Variants in NUGGC observed in about 807,000 individuals in gnomAD.
NUGGC encodes the protein nuclear GTPase SLIP-GC.
NUGGC carries 58 observed loss-of-function variants against 92.6 expected under a neutral mutation model. That is an observed-to-expected ratio of 0.63 (90% CI 0.51 to 0.78). NUGGC has a LOEUF of 0.78. NUGGC is among the 30% of genes least tolerant of loss of function. The pLI, the probability that NUGGC is intolerant of heterozygous loss-of-function variation, is 0.00. For synonymous variants in NUGGC, 376 were observed against 366.4 expected (o/e 1.03, Z -0.30); for missense variants, 925 against 964.6 (o/e 0.96, Z 0.54).
intron 6 of NUGGC, among the ~76,000 whole-genome samples, chr8:28,066,806 T>A (rs1750031706): frequency 6.6e-6 from 1 of 152,200 alleles, no homozygotes; most frequent in Non-Finnish European, 1.5e-5. Flanking sequence ...GCCAGCAGAA[T>A]CCTGATTTTC....
chr8:28,058,722 A>T (rs1186906890), intron 8 of NUGGC, among the ~76,000 whole-genome samples: 32 of 145,294 alleles, frequency 2.2e-4, no homozygotes, highest in African/African-American at 7.5e-4. Context: ...TTTTTTTTTG[A>T]GACGGAGTCT....
intron 10 of NUGGC, among the ~76,000 whole-genome samples, chr8:28,054,481 CAAAAT>C (rs986069160): frequency 7.3e-5 from 11 of 150,488 alleles, no homozygotes; most frequent in African/African-American, 2.0e-4. Flanking sequence ...AACTCTGTCT[CAAAAT>C]AAAAAAGTTA....
rs113997450 is a variant in NUGGC at position 28,054,095 on chromosome 8, T to A, written c.1206+1870A>T. ...CCGAAGATTTTGTTTCAGCCAAACA[T>A]ATCATCTGTCACATGGTACTTACTC... On this transcript the variant is annotated intron_variant, in intron 10 of 18. Coordinates refer to ENST00000413272, the MANE Select transcript of NUGGC (RefSeq NM_001010906.2). Among the ~76,000 whole-genome samples, 566 of 152,354 alleles carry A rather than the reference T, an allele frequency of 3.7e-3. 4 individuals are homozygous for A. The highest frequency in any genetic ancestry group is 0.013 in the African/African-American group (547 of 41,580).
intron 9 of NUGGC, among the ~76,000 whole-genome samples, chr8:28,057,143 A>T (rs1428213712): frequency 6.6e-6 from 1 of 152,176 alleles, no homozygotes; most frequent in Non-Finnish European, 1.5e-5. Flanking sequence ...AGTAGCAGAG[A>T]AAAGTCATGA....
intron 9 of NUGGC, among the ~76,000 whole-genome samples, chr8:28,057,093 C>T (rs908948867): frequency 2.0e-5 from 3 of 152,138 alleles, no homozygotes; most frequent in Non-Finnish European, 4.4e-5. Context: ...ATAACACCAT[C>T]GGACCCATGT....
intron 2 of NUGGC, among the ~76,000 whole-genome samples, chr8:28,073,171 T>G (rs540031556): frequency 1.3e-5 from 1 of 75,150 alleles, no homozygotes; most frequent in Non-Finnish European, 2.5e-5. Context: ...CTGGCTAATT[T>G]TTTTTTCTTT....
rs772936828 is a variant in NUGGC at position 28,026,956 on chromosome 8, A to C, written c.2245+6T>G. 1.2e-6 allele frequency: 2 copies of C among 1,603,422 alleles called. No homozygotes were observed. Among genetic ancestry groups the C allele is most frequent in the South Asian group, 2.2e-5 (2 of 90,894 alleles). On this transcript the variant is annotated splice_donor_region_variant and intron_variant, in intron 18 of 18. Transcript: ENST00000413272. ...CACCCTGTATACAAAGCTTTGGCGTATTTACCTGCAAGCTCCTTGTAGAGG... is the reference window on the plus strand; with the variant it reads ...CACCCTGTATACAAAGCTTTGGCGTCTTTACCTGCAAGCTCCTTGTAGAGG...
intron 1 of NUGGC, among the ~76,000 whole-genome samples, chr8:28,076,865 G>A (rs1270840661): frequency 3.9e-5 from 6 of 152,302 alleles, no homozygotes; most frequent in Admixed American, 3.9e-4. Flanking sequence ...GGTAGAAATA[G>A]ATCCACTAGG....
Position 28,074,444 on chromosome 8 carries a change from C to G in NUGGC, c.-34G>C. 6.2e-7 allele frequency: 1 copy of G among 1,611,904 alleles called. No individual in the cohort carries two copies. Among genetic ancestry groups the G allele is most frequent in the South Asian group, 1.1e-5 (1 of 90,692 alleles). On this transcript the variant is annotated 5_prime_UTR_variant, in exon 2 of 19. Coordinates refer to ENST00000413272, the MANE Select transcript of NUGGC (RefSeq NM_001010906.2). ...ACGTGAACTCCTGCTCTTCTCAGTT[C>G]AGGAGAACCAGCCTGTGAAGACAAA... is the stretch of plus-strand genomic sequence containing the variant.
chr8:28,068,971 C>T (rs543467768), intron 4 of NUGGC, among the ~76,000 whole-genome samples: 17 of 152,238 alleles, frequency 1.1e-4, no homozygotes, highest in Admixed American at 2.0e-4. Flanking sequence ...GTGGTCCACC[C>T]GCCTCGGCCT....
Position 28,046,810 on chromosome 8 carries a change from AGCTGGCACCACCAC to A in NUGGC, c.1312+683_1312+696del, listed in dbSNP as rs550203349. On this transcript the variant is annotated intron_variant, in intron 11 of 18. Transcript: ENST00000413272. Reference sequence around the variant, plus strand: ...ATTCTCCTGCCTTAGCCTCCCGAGTAGCTGGCACCACCACGTCCGGCTAATTTTTGTATTTTTTA... The same window carrying A: ...ATTCTCCTGCCTTAGCCTCCCGAGTAGTCCGGCTAATTTTTGTATTTTTTA... Among the ~76,000 whole-genome samples, 59 of 151,452 alleles carry A rather than the reference AGCTGGCACCACCAC, an allele frequency of 3.9e-4. 1 individual carries two copies. The South Asian group carries it at 8.6e-3, about 22-fold the overall frequency.
At chr8:28,031,674 C>A (rs550750273) in intron 14 of NUGGC, among the ~76,000 whole-genome samples, 4 of 152,324 alleles carry the variant, frequency 2.6e-5, no homozygotes, top group African/African-American at 7.2e-5. Flanking sequence ...ATGCTTGGAA[C>A]ACTGCTTTAA....
Position 28,069,725 on chromosome 8 carries a change from C to T in NUGGC, c.149-73G>A, listed in dbSNP as rs751233305. ...AGTACTAGGTCTCCAAAGGAGGTGTCTGTTGAACATCGCAGAGAAGGGAAA... is the reference window on the plus strand; with the variant it reads ...AGTACTAGGTCTCCAAAGGAGGTGTTTGTTGAACATCGCAGAGAAGGGAAA... On this transcript the variant is annotated intron_variant, in intron 3 of 18. Coordinates refer to ENST00000413272, the MANE Select transcript of NUGGC (RefSeq NM_001010906.2). 92 of 842,556 alleles carry T rather than the reference C, an allele frequency of 1.1e-4. No individual in the cohort carries two copies. In the African/African-American group the frequency reaches 1.4e-3, roughly 13 times the overall value. The allele number at this position is 842,556 out of a possible 1,614,324, so 52.2% of individuals were successfully genotyped here.
At chr8:28,046,788 C>T (rs1050875564) in intron 11 of NUGGC, among the ~76,000 whole-genome samples, 1 of 150,468 alleles carries the variant, frequency 6.6e-6, no homozygotes, top group Non-Finnish European at 1.5e-5. Context: ...TCAAGCAATT[C>T]TCCTGCCTTA....
chr8:28,054,496 A>T (rs1195923147), intron 10 of NUGGC, among the ~76,000 whole-genome samples: 5 of 151,140 alleles, frequency 3.3e-5, no homozygotes, highest in South Asian at 2.1e-4. Flanking sequence ...TAAAAAAGTT[A>T]AAAAAAAAGA....
intron 13 of NUGGC, 24 bp from the exon 14 acceptor site, chr8:28,033,721 C>T: frequency 6.2e-7 from 1 of 1,609,192 alleles, no homozygotes; most frequent in Admixed American, 1.7e-5. Flanking sequence ...AATAAATTAG[C>T]AGAGTTAGGC....
In NUGGC at chr8:28,045,571, G is replaced by A. The variant is rs1308687076; in HGVS notation, c.1402C>T (p.Leu468=). 7.4e-6 allele frequency: 12 copies of A among 1,612,828 alleles called. No individual in the cohort carries two copies. The highest frequency in any genetic ancestry group is 1.0e-5 in the Non-Finnish European group (12 of 1,179,778). The change falls in exon 12 of 19, where the codon CTG becomes TTG. Residue 468 remains leucine, a synonymous_variant. Coordinates refer to ENST00000413272, the MANE Select transcript of NUGGC (RefSeq NM_001010906.2). The stretch of plus-strand genomic sequence containing the variant: ...TTGAAACTATCTGTGAGGAGCAACA[G>A]GCCAAAGGCTTCAGTCACATACTTG... The part of the protein sequence containing the change: ...VTKYVTEAFG[L]LLLTDSFNST...
At chr8:28,055,465 C>A (rs1200286066) in intron 10 of NUGGC, among the ~76,000 whole-genome samples, 1 of 152,128 alleles carries the variant, frequency 6.6e-6, no homozygotes, top group Non-Finnish European at 1.5e-5. Context: ...TCAACAATCA[C>A]GGGAGATAGA....
Position 28,061,647 on chromosome 8 carries a change from G to C in NUGGC, c.922-1046C>G, listed in dbSNP as rs562085441. ...TTTACAATGGGTTTACTGAACAATT[G>C]GTAAGTCCAGTACAATCGGGGCTAA... is the stretch of plus-strand genomic sequence containing the variant. On this transcript the variant is annotated intron_variant, in intron 7 of 18. Coordinates refer to ENST00000413272, the MANE Select transcript of NUGGC (RefSeq NM_001010906.2). 2.6e-5 allele frequency among the ~76,000 whole-genome samples: 4 copies of C among 152,260 alleles called. No homozygotes were observed. In the South Asian group the frequency reaches 6.2e-4, roughly 24 times the overall value.
Sources: allele counts gnomAD v4.1 joint callset (sites outside exome capture counted in the v4.1 genomes callset), GRCh38; gene constraint gnomAD v4.1.1; transcripts MANE v1.5; gene names NCBI Gene and HGNC (gene_info 2026-07-23, HGNC 2026-07-21).